The following UXT variants were observed in gnomAD, a reference collection of about 807,000 sequenced individuals.
The protein encoded by UXT is ubiquitously expressed prefoldin like chaperone.
For synonymous variants in UXT, 54 were observed against 52.8 expected (o/e 1.02, Z -0.10); for missense variants, 111 against 132.7 (o/e 0.84, Z 0.80).
At chrX:47,654,212 T>C in intron 4 of UXT, 2 of 363,716 alleles carry the variant, frequency 5.5e-6, no homozygotes, top group Non-Finnish European at 7.0e-6. Flanking sequence ...GTTATGCTTT[T>C]TTTTTTTTTT....
chrX:47,654,981 T>C (rs2147949940), intron 4 of UXT, among the ~76,000 whole-genome samples: 1 of 112,509 alleles, frequency 8.9e-6, no homozygotes, highest in East Asian at 2.8e-4. Context: ...GAAAGCCTTC[T>C]TATACAAACT....
intron 4 of UXT, among the ~76,000 whole-genome samples, chrX:47,652,489 CAAT>C (rs1243396662): frequency 8.9e-6 from 1 of 112,325 alleles, no homozygotes; most frequent in Non-Finnish European, 1.9e-5. Context: ...AAATGAGAGA[CAAT>C]AAGGAGTACA....
chrX:47,657,109 C>G, intron 4 of UXT, 74 bp downstream of exon 5: 1 of 876,053 alleles, frequency 1.1e-6, no homozygotes. Context: ...TCATTCCAGG[C>G]AGCCATGGGT....
At position 47,652,108 on chromosome X, in the gene UXT, G is replaced by T. The variant is rs1396335758; in HGVS notation, c.429C>A (p.Ile143=). Residue 143 remains isoleucine, a synonymous_variant, in exon 5 of 6, where the codon ATC becomes ATA. Transcript: ENST00000335890. Reference sequence around the variant, plus strand: ...CTAGCAACATGTGGATATGGGCTTTGATATTCATGGAGTCCTTGGTGAGGC... The same window carrying T: ...CTAGCAACATGTGGATATGGGCTTTTATATTCATGGAGTCCTTGGTGAGGC... 5.8e-6 allele frequency: 7 copies of T among 1,207,444 alleles called. No homozygotes were observed. The highest frequency in any genetic ancestry group is 7.8e-6 in the Non-Finnish European group (7 of 893,863).
intron 4 of UXT, among the ~76,000 whole-genome samples, chrX:47,655,250 A>C (rs2058080104): frequency 8.9e-6 from 1 of 112,545 alleles, no homozygotes; most frequent in East Asian, 2.8e-4. Context: ...ACTGCACTCC[A>C]GCCTGGGCGA....
chrX:47,658,787 C>T (rs1433337262), intron 1 of UXT, 43 bp downstream of exon 2: 2 of 1,117,537 alleles, frequency 1.8e-6, no homozygotes, highest in East Asian at 6.3e-5. Context: ...CCACCCACCA[C>T]GTGGAATGTT....
Position 47,658,861 on chromosome X carries a change from A to G in UXT, c.103T>C (p.Phe35Leu). 8.7e-7 allele frequency: 1 copy of G among 1,154,739 alleles called. No individual in the cohort carries two copies. ...TCCCGCTGCAGCACGTCACTGATGAAGGTCTCGTAGCGCAGCACTTTCTCC... is the reference window on the plus strand; with the variant it reads ...TCCCGCTGCAGCACGTCACTGATGAGGGTCTCGTAGCGCAGCACTTTCTCC... The change falls in exon 1 of 6, where the codon TTC (phenylalanine) becomes CTC (leucine). Residue 35 changes from phenylalanine (F) to leucine (L), a missense_variant. Transcript: ENST00000335890.
chrX:47,655,760 C>G (rs750921129), intron 4 of UXT, among the ~76,000 whole-genome samples: 4 of 111,553 alleles, frequency 3.6e-5, no homozygotes, highest in Non-Finnish European at 7.5e-5. Flanking sequence ...TCAAATGTCC[C>G]TTCCTCTGGG....
chrX:47,655,324 T>C (rs1395149001), intron 4 of UXT, among the ~76,000 whole-genome samples: 2 of 112,222 alleles, frequency 1.8e-5, no homozygotes, highest in Admixed American at 1.9e-4. Flanking sequence ...AGTTCAGAAT[T>C]GTGTTGACCA....
At chrX:47,655,765 T>C (rs1393871406) in intron 4 of UXT, among the ~76,000 whole-genome samples, 1 of 111,576 alleles carries the variant, frequency 9.0e-6, no homozygotes, top group Non-Finnish European at 1.9e-5. Flanking sequence ...TGTCCCTTCC[T>C]CTGGGAGGCC....
chrX:47,658,572 C>T (rs970114264), intron 1 of UXT, among the ~76,000 whole-genome samples: 2 of 112,160 alleles, frequency 1.8e-5, no homozygotes, highest in African/African-American at 3.2e-5. Flanking sequence ...GGATTCGAAC[C>T]CGAGAACTGT....
chrX:47,658,608 G>C (rs1049104126), intron 1 of UXT, among the ~76,000 whole-genome samples: 1 of 112,342 alleles, frequency 8.9e-6, no homozygotes, highest in Non-Finnish European at 1.9e-5. Context: ...GCCTTAATCT[G>C]TTAAACATCG....
At chrX:47,658,655 C>A (rs780858103) in intron 1 of UXT, among the ~76,000 whole-genome samples, 175 bp downstream of exon 2, 1 of 112,602 alleles carries the variant, frequency 8.9e-6, no homozygotes, top group East Asian at 2.8e-4. Flanking sequence ...CTGCTATGAA[C>A]GCCACGTCCC....
At chrX:47,657,981 A>C in intron 1 of UXT, 118 bp from the exon 3 acceptor site, 1 of 567,314 alleles carries the variant, frequency 1.8e-6, no homozygotes, top group East Asian at 4.1e-5. Context: ...TTTTTAGTGC[A>C]TAAGTTAATT....
In UXT at chrX:47,657,305, G is replaced by A. The variant is rs773325736; in HGVS notation, c.285-15C>T. ...AAGTATCTGGGCTGAGGAAAGAGAG[G>A]TTAGAGGAAGTGGGGAGAAGTCCTT... On this transcript the variant is annotated splice_polypyrimidine_tract_variant and intron_variant, in intron 3 of 5. Transcript: ENST00000335890. The A allele has an allele frequency of 3.8e-5, 44 of 1,145,302 alleles. No individual in the cohort carries two copies. The highest frequency in any genetic ancestry group is 5.2e-5 in the Non-Finnish European group (44 of 841,015). The allele number at this position is 1,145,302 out of a possible 1,213,427, so 94.4% of individuals were successfully genotyped here. A position where few individuals can be genotyped will look rare whatever the true frequency, so the allele number is the denominator to read the frequency against.
At chrX:47,653,720 C>G (rs2058075167) in intron 4 of UXT, among the ~76,000 whole-genome samples, 1 of 111,920 alleles carries the variant, frequency 8.9e-6, no homozygotes, top group African/African-American at 3.3e-5. Context: ...TGTATGAGGG[C>G]AGATTTTGTT....
chrX:47,653,668 T>C (rs959625132), intron 4 of UXT, among the ~76,000 whole-genome samples: 4 of 112,336 alleles, frequency 3.6e-5, no homozygotes, highest in Non-Finnish European at 7.5e-5. Flanking sequence ...TACTACATCA[T>C]TCATTTGTTT....
intron 4 of UXT, among the ~76,000 whole-genome samples, chrX:47,655,428 A>T (rs1322276957): frequency 3.6e-5 from 4 of 112,435 alleles, no homozygotes; most frequent in African/African-American, 9.7e-5. Flanking sequence ...TGGGTCCACT[A>T]GCACCTGCTA....
rs773254620 is a variant in UXT at position 47,658,921 on chromosome X, T to C, written c.43A>G (p.Thr15Ala). 8.4e-7 allele frequency: 1 copy of C among 1,193,950 alleles called. No individual in the cohort carries two copies. Among genetic ancestry groups the C allele is most frequent in the African/African-American group, 1.8e-5 (1 of 57,133 alleles). The change falls in exon 1 of 6, where the codon ACG (threonine) becomes GCG (alanine). Residue 15 changes from threonine to alanine, a missense_variant. By Grantham distance (58) the Thr-to-Ala change is moderately conservative. Coordinates refer to ENST00000335890, the MANE Select transcript of UXT (RefSeq NM_153477.3). ...TCCACCGCCCGCCGCTTAGGGGGCGTCGCCATGATGGGCTCCTGGGGAGTG... is the reference window on the plus strand; with the variant it reads ...TCCACCGCCCGCCGCTTAGGGGGCGCCGCCATGATGGGCTCCTGGGGAGTG...
Sources: gnomAD v4.1 joint callset for allele counts (sites outside exome capture counted in the v4.1 genomes callset) on GRCh38, gnomAD v4.1.1 for gene constraint, MANE v1.5 for transcripts, NCBI Gene and HGNC (gene_info 2026-07-23, HGNC 2026-07-21) for gene names.